The following CAPN9 variants were observed in gnomAD, a reference collection of about 807,000 sequenced individuals.
The protein encoded by CAPN9 is calpain-9.
CAPN9 carries 81 observed loss-of-function variants against 92.8 expected under a neutral mutation model. The observed-to-expected ratio is 0.87, with a 90% CI of 0.73 to 1.05. The LOEUF is 1.05. Among genes scored for constraint, CAPN9 ranks in the 50% least tolerant of loss-of-function variants. The pLI, the probability that CAPN9 is intolerant of heterozygous loss-of-function variation, is 0.00. For synonymous variants in CAPN9, 304 were observed against 328.0 expected, an observed-to-expected ratio of 0.93 and a Z score of 0.79; for missense variants, 848 against 866.2, an observed-to-expected ratio of 0.98 and a Z score of 0.26.
intron 19 of CAPN9, among the ~76,000 whole-genome samples, chr1:230,800,243 A>AAAG (rs1166903736): frequency 2.4e-5 from 2 of 84,130 alleles, no homozygotes; most frequent in Admixed American, 1.3e-4. Flanking sequence ...AGAAAGAAAG[A>AAAG]AAGAAAGAAA....
chr1:230,759,919 T>C (rs1357515998), intron 3 of CAPN9, among the ~76,000 whole-genome samples: 1 of 152,238 alleles, frequency 6.6e-6, no homozygotes, highest in African/African-American at 2.4e-5. Context: ...TATTTGGAAT[T>C]TCTTGTGCTT....
rs1667689978 is a variant in CAPN9 at position 230,787,521 on chromosome 1, G to A, written c.1519-1G>A. 6.2e-7 allele frequency: 1 copy of A among 1,612,842 alleles called. No homozygotes were observed. Among genetic ancestry groups the A allele is most frequent in the Admixed American group, 1.7e-5 (1 of 59,886 alleles). ...TGCAAGTTTCTTTGGCTGTTTTTTA[G>A]CCTCCAAAGCCAACTCCACCTGACC... On this transcript the variant is annotated splice_acceptor_variant, in intron 12 of 19. Transcript: ENST00000271971. LOFTEE classifies it high-confidence loss of function.
At chr1:230,767,509 A>C (rs1558092975) in intron 4 of CAPN9, 32 bp from the exon 5 acceptor site, 1 of 1,578,914 alleles carries the variant, frequency 6.3e-7, no homozygotes, top group Non-Finnish European at 8.6e-7. Flanking sequence ...TAGGTCCCTG[A>C]CTCTCTCCTC....
intron 6 of CAPN9, among the ~76,000 whole-genome samples, chr1:230,769,540 T>G (rs1270111141): frequency 6.6e-6 from 1 of 152,224 alleles, no homozygotes; most frequent in Non-Finnish European, 1.5e-5. Context: ...TTCAGTCCTG[T>G]GTTAGTCAGG....
intron 18 of CAPN9, among the ~76,000 whole-genome samples, chr1:230,797,718 C>A (rs1668442575): frequency 6.6e-6 from 1 of 152,334 alleles, no homozygotes; most frequent in East Asian, 1.9e-4. Flanking sequence ...CAGCTCAGTG[C>A]TGGCACGCTC....
At chr1:230,772,893 G>C (rs1666483603) in intron 7 of CAPN9, among the ~76,000 whole-genome samples, 1 of 152,024 alleles carries the variant, frequency 6.6e-6, no homozygotes. Flanking sequence ...CTCCAGCTCT[G>C]GTCCCTTGGG....
rs759012112 is a variant in CAPN9, at chr1:230,779,037, G to C, written c.1018G>C (p.Ala340Pro). Residue 340 changes from alanine to proline, a missense_variant, in exon 9 of 20, where the codon GCC (alanine) becomes CCC (proline). Ala to Pro is a conservative substitution (Grantham distance 27). Transcript: ENST00000271971. ...KVEICNLTPD[A>P]LEEDAIHKWE... ...GGAGATCTGCAACCTCACTCCCGAT[G>C]CCCTGGAGGAAGACGCGATCCACAA... is the stretch of plus-strand genomic sequence containing the variant. 3 of 1,613,266 alleles carry C rather than the reference G, an allele frequency of 1.9e-6. No homozygotes were observed. The highest frequency in any genetic ancestry group is 2.5e-6 in the Non-Finnish European group (3 of 1,179,712).
intron 11 of CAPN9, among the ~76,000 whole-genome samples, chr1:230,783,545 T>C (rs1667373358): frequency 6.6e-6 from 1 of 152,206 alleles, no homozygotes; most frequent in Non-Finnish European, 1.5e-5. Flanking sequence ...GACATGACTC[T>C]TCCCCCTTCT....
At chr1:230,784,259 G>A (rs970957086) in intron 11 of CAPN9, among the ~76,000 whole-genome samples, 8 of 152,192 alleles carry the variant, frequency 5.3e-5, no homozygotes, top group African/African-American at 9.6e-5. Context: ...AAGCTTTTTC[G>A]AGAGAGGAAT....
At chr1:230,792,612 G>A in intron 16 of CAPN9, 118 bp downstream of exon 16, 1 of 847,260 alleles carries the variant, frequency 1.2e-6, no homozygotes, top group African/African-American at 1.7e-5. Context: ...ATTCGGACAG[G>A]GGAGAAGGGA....
chr1:230,772,136 G>A (rs753469437), intron 7 of CAPN9, 37 bp downstream of exon 7: 28 of 1,542,842 alleles, frequency 1.8e-5, no homozygotes, highest in Admixed American at 5.0e-5. Context: ...GCTGGTTCCC[G>A]GGGCGTGTGG....
chr1:230,794,118 A>G (rs1668185601), intron 17 of CAPN9, among the ~76,000 whole-genome samples: 1 of 152,052 alleles, frequency 6.6e-6, no homozygotes, highest in Admixed American at 6.5e-5. Context: ...TCCTGTGAAC[A>G]CCTCCTAGAA....
At chr1:230,780,117 TGTGTGG>T (rs757391877) in intron 9 of CAPN9, 56 bp from the exon 10 acceptor site, 3 of 894,058 alleles carry the variant, frequency 3.4e-6, no homozygotes, top group African/African-American at 1.8e-5. Context: ...TGTGTGTGTG[TGTGTGG>T]TCTTTGTGGG....
intron 17 of CAPN9, 192 bp from the exon 18 acceptor site, chr1:230,794,971 T>C (rs1668251120): frequency 1.8e-6 from 1 of 556,186 alleles, no homozygotes; most frequent in Admixed American, 3.1e-5. Context: ...CACCACAGAT[T>C]CACACTCTCA....
chr1:230,761,780 A>T (rs1665659378), intron 3 of CAPN9, among the ~76,000 whole-genome samples: 1 of 152,158 alleles, frequency 6.6e-6, no homozygotes, highest in Non-Finnish European at 1.5e-5. Context: ...AACGGGTAGG[A>T]GGTGGGTCAC....
intron 16 of CAPN9, 125 bp from the exon 17 acceptor site, chr1:230,792,725 G>A (rs1668086949): frequency 1.1e-5 from 9 of 845,264 alleles, no homozygotes; most frequent in South Asian, 7.7e-5. Context: ...GGAAGGCCCA[G>A]TCCAACTGTG....
chr1:230,759,518 G>A lies in CAPN9; in HGVS notation c.290G>A (p.Cys97Tyr). 2 of 1,605,514 alleles carry A rather than the reference G, an allele frequency of 1.2e-6. No homozygotes were observed. The highest frequency in any genetic ancestry group is 1.1e-5 in the South Asian group (1 of 89,052). Residue 97 changes from cysteine to tyrosine, a missense_variant, in exon 3 of 20, where the codon TGC (cysteine) becomes TAC (tyrosine). Transcript: ENST00000271971. The part of the protein sequence containing the change: ...TDICQGELGD[C>Y]WLLAAIASLT... ...TATGGCTTCCATTTTGCAGGAGACT[G>A]CTGGCTATTAGCCGCCATCGCCTCC...
At chr1:230,764,144 CT>C (rs1269337996) in intron 4 of CAPN9, among the ~76,000 whole-genome samples, 15 of 152,292 alleles carry the variant, frequency 9.8e-5, no homozygotes, top group African/African-American at 3.6e-4. Context: ...GCCCAGATAG[CT>C]GGTGAAGCAT....
At position 230,747,728 on chromosome 1, in the gene CAPN9, G is replaced by C. The variant is rs368761278; in HGVS notation, c.213+19G>C. The C allele has an allele frequency of 6.2e-7, 1 of 1,611,632 alleles. No homozygotes were observed. The highest frequency in any genetic ancestry group is 2.2e-5 in the East Asian group (1 of 44,850). ...ACCAGGGGTGAGTGGGGCGAGCAGG[G>C]GAAGGAGCATAGATGAGGCCGAGGT... On this transcript the variant is annotated intron_variant, in intron 1 of 19. Transcript: ENST00000271971.
Sources: allele counts gnomAD v4.1 joint callset (sites outside exome capture counted in the v4.1 genomes callset), GRCh38; gene constraint gnomAD v4.1.1; transcripts MANE v1.5; gene names NCBI Gene and HGNC (gene_info 2026-07-23, HGNC 2026-07-21).